PPP1R12B: variants seen among roughly 807,000 people sequenced by gnomAD.
PPP1R12B encodes myosin phosphatase target subunit 2.
PPP1R12B carries 76 observed loss-of-function variants against 126.1 expected under a neutral mutation model. The observed-to-expected ratio is 0.60, with a 90% confidence interval of 0.50 to 0.73. The LOEUF (loss-of-function observed/expected upper bound fraction) is 0.73, where lower values mean the gene tolerates loss of function less well. PPP1R12B is among the 30% of genes least tolerant of loss of function. The pLI is 0.00. For missense variants in PPP1R12B, 1,052 were observed against 1,205.1 expected (o/e 0.87, Z 1.88); for synonymous variants, 356 against 434.7 (o/e 0.82, Z 2.25).
At chr1:202,458,913 G>A (rs901233307) in intron 13 of PPP1R12B, among the ~76,000 whole-genome samples, 3 of 152,244 alleles carry the variant, frequency 2.0e-5, no homozygotes, top group Non-Finnish European at 4.4e-5. Context: ...GACCAAAGTA[G>A]TAGAAGGTTC....
chr1:202,545,192 A>C (rs1043051949), intron 18 of PPP1R12B, among the ~76,000 whole-genome samples: 21 of 152,254 alleles, frequency 1.4e-4, no homozygotes, highest in African/African-American at 5.1e-4. Flanking sequence ...AATTAAAAGC[A>C]GGAGTGTATT....
At chr1:202,436,848 AGTTTTTTTTTT>A (rs1233214586) in intron 9 of PPP1R12B, among the ~76,000 whole-genome samples, 2 of 151,526 alleles carry the variant, frequency 1.3e-5, no homozygotes, top group African/African-American at 2.4e-5. Context: ...TTTGACCTCT[AGTTTTTTTTTT>A]GTTTTTTTTT....
intron 19 of PPP1R12B, 43 bp from the exon 20 acceptor site, chr1:202,562,735 T>C (rs2149012871): frequency 1.3e-6 from 2 of 1,579,482 alleles, no homozygotes; most frequent in South Asian, 1.1e-5. Flanking sequence ...CCCACTACTT[T>C]GTTCTCAAAA....
intron 18 of PPP1R12B, among the ~76,000 whole-genome samples, chr1:202,549,821 G>T (rs928506087): frequency 3.9e-5 from 6 of 152,024 alleles, no homozygotes; most frequent in Admixed American, 1.3e-4. Flanking sequence ...TGTAATTGTC[G>T]ATTTTATTCC....
chr1:202,545,754 G>A (rs1685588354), intron 18 of PPP1R12B, among the ~76,000 whole-genome samples: 1 of 152,200 alleles, frequency 6.6e-6, no homozygotes, highest in South Asian at 2.1e-4. Flanking sequence ...TTAGCCTGAT[G>A]TTTGGAGAAC....
At chr1:202,487,116 A>G (rs1031704060) in intron 13 of PPP1R12B, among the ~76,000 whole-genome samples, 3 of 152,138 alleles carry the variant, frequency 2.0e-5, no homozygotes, top group Non-Finnish European at 4.4e-5. Context: ...TGTCCCAAGA[A>G]TTCAGTGTTG....
chr1:202,536,438 A>T (rs939084024), intron 18 of PPP1R12B, among the ~76,000 whole-genome samples: 1 of 152,192 alleles, frequency 6.6e-6, no homozygotes, highest in Non-Finnish European at 1.5e-5. Context: ...TAAAAATGAT[A>T]TACCTGTATA....
intron 1 of PPP1R12B, among the ~76,000 whole-genome samples, chr1:202,389,733 C>A (rs1174817068): frequency 6.6e-6 from 1 of 151,960 alleles, no homozygotes; most frequent in East Asian, 1.9e-4. Flanking sequence ...TCGAGACCAG[C>A]CTGGCCAACA....
intron 1 of PPP1R12B, among the ~76,000 whole-genome samples, chr1:202,355,806 G>C (rs1656968541): frequency 6.6e-6 from 1 of 152,194 alleles, no homozygotes; most frequent in East Asian, 1.9e-4. Context: ...TGAAAGAATT[G>C]TGTTATTCAG....
At chr1:202,473,711 T>G (rs1025722077) in intron 13 of PPP1R12B, among the ~76,000 whole-genome samples, 6 of 152,310 alleles carry the variant, frequency 3.9e-5, no homozygotes, top group African/African-American at 1.4e-4. Flanking sequence ...GGCCCAAGAT[T>G]TTGCCTTCTT....
At chr1:202,387,372 G>A (rs959149028) in intron 1 of PPP1R12B, among the ~76,000 whole-genome samples, 1 of 152,108 alleles carries the variant, frequency 6.6e-6, no homozygotes, top group African/African-American at 2.4e-5. Flanking sequence ...AAAAGATATG[G>A]GGATCATCTC....
chr1:202,462,298 GTC>G (rs986610825), intron 13 of PPP1R12B, among the ~76,000 whole-genome samples: 3 of 152,110 alleles, frequency 2.0e-5, no homozygotes, highest in Non-Finnish European at 4.4e-5. Flanking sequence ...GAATAAAAGA[GTC>G]TATTTTCTTT....
chr1:202,555,609 A>G (rs1393310079), intron 18 of PPP1R12B, among the ~76,000 whole-genome samples: 1 of 152,016 alleles, frequency 6.6e-6, no homozygotes, highest in African/African-American at 2.4e-5. Context: ...GGAGGAGGAA[A>G]AGGCCCAAGG....
intron 21 of PPP1R12B, chr1:202,567,551 A>G (rs1419828769): frequency 3.7e-6 from 2 of 539,014 alleles, no homozygotes; most frequent in African/African-American, 1.9e-5. Flanking sequence ...AGGGAATACT[A>G]CTACTGCCTT....
At chr1:202,487,014 T>C (rs1302184172) in intron 13 of PPP1R12B, among the ~76,000 whole-genome samples, 1 of 152,212 alleles carries the variant, frequency 6.6e-6, no homozygotes, top group Non-Finnish European at 1.5e-5. Context: ...GCCAATTTCT[T>C]TCATGAATGT....
intron 5 of PPP1R12B, 61 bp downstream of exon 5, chr1:202,427,245 A>T: frequency 6.3e-7 from 1 of 1,596,304 alleles, no homozygotes; most frequent in Non-Finnish European, 8.5e-7. Context: ...CTAGAATAAA[A>T]GGCTTAACAT....
intron 1 of PPP1R12B, among the ~76,000 whole-genome samples, chr1:202,389,700 C>T (rs543336592): frequency 1.3e-4 from 20 of 151,810 alleles, no homozygotes; most frequent in South Asian, 1.3e-3. Flanking sequence ...GAGGCCAAGG[C>T]GGGAAATCAC....
chr1:202,549,278 A>G (rs1036693635), intron 18 of PPP1R12B, among the ~76,000 whole-genome samples: 1 of 152,164 alleles, frequency 6.6e-6, no homozygotes, highest in Non-Finnish European at 1.5e-5. Context: ...CTTCAAGCTG[A>G]TGTATCCACT....
chr1:202,538,332 G>A (rs917347838), intron 18 of PPP1R12B, among the ~76,000 whole-genome samples: 1 of 152,160 alleles, frequency 6.6e-6, no homozygotes, highest in African/African-American at 2.4e-5. Context: ...TCTGGTTTAT[G>A]ATAGAATTTA....
Sources: gnomAD v4.1 joint callset for allele counts (sites outside exome capture counted in the v4.1 genomes callset) on GRCh38, gnomAD v4.1.1 for gene constraint, MANE v1.5 for transcripts, NCBI Gene and HGNC (gene_info 2026-07-23, HGNC 2026-07-21) for gene names.